Variants in DDX60L observed in about 807,000 individuals in gnomAD.
DDX60L encodes probable ATP-dependent RNA helicase DDX60-like.
Under a neutral mutation model 211.6 loss-of-function variants are expected in DDX60L, and 191 were observed. The observed-to-expected ratio is 0.90, with a 90% CI of 0.80 to 1.02. DDX60L has a LOEUF of 1.02. Ranked by LOEUF, DDX60L falls within the 50% of genes least tolerant of loss-of-function variation. The pLI is 0.00. For synonymous variants in DDX60L, 706 were observed against 694.1 expected, an observed-to-expected ratio of 1.02 and a Z score of -0.27; for missense variants, 2,007 against 1,984.1, an observed-to-expected ratio of 1.01 and a Z score of -0.22.
intron 5 of DDX60L, among the ~76,000 whole-genome samples, chr4:168,459,434 AC>A (rs1424847619): frequency 1.3e-5 from 2 of 152,258 alleles, no homozygotes; most frequent in African/African-American, 4.8e-5. Context: ...CTTACTGGTA[AC>A]AGTACCTCTT....
intron 9 of DDX60L, among the ~76,000 whole-genome samples, chr4:168,442,967 C>A (rs376515948): frequency 1.3e-5 from 2 of 152,122 alleles, no homozygotes; most frequent in African/African-American, 4.8e-5. Flanking sequence ...AAAAGCAGAG[C>A]GCCTCTCCTC....
intron 10 of DDX60L, among the ~76,000 whole-genome samples, chr4:168,439,045 C>T (rs1034082947): frequency 6.6e-6 from 1 of 152,086 alleles, no homozygotes; most frequent in Admixed American, 6.5e-5. Context: ...AGTTAACATG[C>T]CGTTGGTTGT....
intron 1 of DDX60L, among the ~76,000 whole-genome samples, chr4:168,474,352 A>T (rs1178398395): frequency 6.6e-6 from 1 of 152,172 alleles, no homozygotes; most frequent in African/African-American, 2.4e-5. Context: ...TAGTATGAAT[A>T]TAAAAGTAAG....
At position 168,427,203 on chromosome 4, in the gene DDX60L, GTTC is replaced by G; in HGVS notation, c.1794_1796del (p.Lys598del). On this transcript the variant is annotated inframe_deletion, in exon 14 of 38. Transcript: ENST00000682922. The stretch of plus-strand genomic sequence containing the variant: ...ATTTCCTTATTCCAGAATGTAAATT[GTTC>G]TTCATCTCCTCTTCAATAGAAAACA... 6.2e-7 allele frequency: 1 copy of G among 1,613,398 alleles called. No individual in the cohort carries two copies. Among genetic ancestry groups the G allele is most frequent in the Middle Eastern group, 1.6e-4 (1 of 6,062 alleles).
At chr4:168,384,546 C>T in intron 30 of DDX60L, 66 bp downstream of exon 30, 1 of 1,584,354 alleles carries the variant, frequency 6.3e-7, no homozygotes, top group Non-Finnish European at 8.6e-7. Context: ...TCTAAAAGAG[C>T]AGCAGACCTG....
intron 14 of DDX60L, among the ~76,000 whole-genome samples, chr4:168,426,362 T>A (rs1044561548): frequency 1.3e-5 from 2 of 152,212 alleles, no homozygotes; most frequent in Admixed American, 6.5e-5. Context: ...TCGGTTCCCC[T>A]TGTGCTCCAT....
At position 168,384,689 on chromosome 4, in the gene DDX60L, G is replaced by T; in HGVS notation, c.4039C>A (p.Pro1347Thr). ...CGCAGGACCAGGGTTATGCTGAGAG[G>T]GAACTGTCCTCTCAGCTCAGGAACA... Reference protein sequence around the residue: ...SSVPELRGQFPLSITLVLRLM... With the variant: ...SSVPELRGQFTLSITLVLRLM... Residue 1347 changes from proline (P) to threonine (T), a missense_variant, in exon 30 of 38, where the codon CCT (proline) becomes ACT (threonine). Transcript: ENST00000682922. 1.2e-6 allele frequency: 2 copies of T among 1,613,858 alleles called. No individual in the cohort carries two copies. Among genetic ancestry groups the T allele is most frequent in the Non-Finnish European group, 1.7e-6 (2 of 1,179,934 alleles).
At position 168,463,194 on chromosome 4, in the gene DDX60L, G is replaced by A. The variant is rs186838254; in HGVS notation, c.265-1154C>T. The stretch of plus-strand genomic sequence containing the variant: ...AGACACATGCACGCATATGTTCACC[G>A]CAGCACTATTCACAATAGCAAAGAC... On this transcript the variant is annotated intron_variant, in intron 4 of 37. Transcript: ENST00000682922. Among the ~76,000 whole-genome samples the A allele has an allele frequency of 9.2e-5, 14 of 152,274 alleles. No homozygotes were observed. The East Asian group carries it at 1.7e-3, about 19-fold the overall frequency.
intron 1 of DDX60L, 63 bp from the exon 2 acceptor site, chr4:168,472,872 T>G (rs998145764): frequency 6.2e-6 from 4 of 649,566 alleles, no homozygotes; most frequent in Non-Finnish European, 1.0e-5. Flanking sequence ...ACCCAAAAAA[T>G]ATGGTTACAT....
chr4:168,467,445 C>CAAAAAAAAAAAAAA (rs199648164), intron 4 of DDX60L, among the ~76,000 whole-genome samples: 50 of 109,020 alleles, frequency 4.6e-4, no homozygotes, highest in Non-Finnish European at 8.4e-4. Flanking sequence ...GTTTCCATTC[C>CAAAAAAAAAAAAAA]AAAAAAAAAA....
Position 168,399,819 on chromosome 4 carries a change from G to A in DDX60L, c.3491+1007C>T, listed in dbSNP as rs766721068. On this transcript the variant is annotated intron_variant, in intron 26 of 37. Transcript: ENST00000682922. The stretch of plus-strand genomic sequence containing the variant: ...CAGTGAAGTCCTACCCCAAGCATAC[G>A]ATTGGTATGGCAATTCATTCTATAG... Among the ~76,000 whole-genome samples, 3 of 152,104 alleles carry A rather than the reference G, an allele frequency of 2.0e-5. No individual in the cohort carries two copies. The East Asian group carries it at 5.8e-4, about 29-fold the overall frequency.
At chr4:168,441,149 GCTTTA>G (rs1753774611) in intron 10 of DDX60L, among the ~76,000 whole-genome samples, 183 bp downstream of exon 10, 1 of 152,040 alleles carries the variant, frequency 6.6e-6, no homozygotes, top group Non-Finnish European at 1.5e-5. Context: ...ATTTCACCAG[GCTTTA>G]CTCTGCACAC....
At chr4:168,430,131 G>A (rs543546922) in intron 13 of DDX60L, among the ~76,000 whole-genome samples, 17 of 152,110 alleles carry the variant, frequency 1.1e-4, no homozygotes, top group Non-Finnish European at 1.8e-4. Context: ...CCCGGGAGGC[G>A]GAGGTTGCAG....
intron 26 of DDX60L, among the ~76,000 whole-genome samples, chr4:168,399,698 G>A (rs1169060321): frequency 6.6e-6 from 1 of 152,170 alleles, no homozygotes; most frequent in Non-Finnish European, 1.5e-5. Context: ...GCCAGTAAGT[G>A]AGGATGGAGA....
chr4:168,405,092 T>G (rs1236914234), intron 24 of DDX60L, among the ~76,000 whole-genome samples: 1 of 151,988 alleles, frequency 6.6e-6, no homozygotes, highest in Non-Finnish European at 1.5e-5. Context: ...CACTGCAACC[T>G]CTGCCTCCCA....
chr4:168,390,632 A>T, intron 29 of DDX60L: 3 of 582,204 alleles, frequency 5.2e-6, no homozygotes, highest in Non-Finnish European at 7.5e-6. Context: ...GGCAAAGATT[A>T]TTGTCAGTTT....
Position 168,396,066 on chromosome 4 carries a change from C to A in DDX60L, c.3550G>T (p.Glu1184Ter). 1 of 1,598,984 alleles carries A rather than the reference C, an allele frequency of 6.3e-7. No individual in the cohort carries two copies. Among genetic ancestry groups the A allele is most frequent in the Non-Finnish European group, 8.5e-7 (1 of 1,171,394 alleles). Residue 1184 changes from glutamate to a stop codon, truncating the protein, a stop_gained, in exon 27 of 38, where the codon GAA becomes TAA. Coordinates refer to ENST00000682922, the MANE Select transcript of DDX60L (RefSeq NM_001012967.3). LOFTEE classifies it high-confidence loss of function. Reference sequence around the variant, plus strand: ...AGATTCTCCAGGAAATTAATATATTCAGCTCTATACACTTTTTTTCTTTCC... The same window carrying A: ...AGATTCTCCAGGAAATTAATATATTAAGCTCTATACACTTTTTTTCTTTCC... ...KLERKKVYRA[E>*]YINFLENLKI...
chr4:168,379,910 C>A, intron 30 of DDX60L, 80 bp from the exon 31 acceptor site: 1 of 865,718 alleles, frequency 1.2e-6, no homozygotes, highest in Non-Finnish European at 1.8e-6. Context: ...AGTACACATA[C>A]ATACTATATA....
chr4:168,367,449 C>A (rs954656517), intron 36 of DDX60L, among the ~76,000 whole-genome samples: 1 of 152,178 alleles, frequency 6.6e-6, no homozygotes, highest in South Asian at 2.1e-4. Context: ...TCTCCACAGC[C>A]CTATGGAACT....
Sources: gnomAD v4.1 joint callset for allele counts (sites outside exome capture counted in the v4.1 genomes callset) on GRCh38, gnomAD v4.1.1 for gene constraint, MANE v1.5 for transcripts, NCBI Gene and HGNC (gene_info 2026-07-23, HGNC 2026-07-21) for gene names.